CD300LF: variants seen among roughly 807,000 people sequenced by gnomAD.
CD300LF encodes the protein CMRF35-like molecule 1.
Under a neutral mutation model 32.2 loss-of-function variants are expected in CD300LF, and 27 were observed. The observed-to-expected ratio is 0.84, with a 90% confidence interval of 0.62 to 1.15. CD300LF has a LOEUF of 1.15. CD300LF is among the 50% of genes most tolerant of loss of function. The pLI, the probability that CD300LF is intolerant of heterozygous loss-of-function variation, is 0.00. For synonymous variants in CD300LF, 139 were observed against 143.2 expected (o/e 0.97, Z 0.21); for missense variants, 348 against 356.8 (o/e 0.98, Z 0.20).
rs2032251555 is a variant in CD300LF, at chr17:74,694,521, A to G, written c.*575T>C. On this transcript the variant is annotated 3_prime_UTR_variant, in exon 7 of 7. Coordinates refer to ENST00000326165, the MANE Select transcript of CD300LF (RefSeq NM_139018.5). ...TCACGTCACACCCACGTCCACTTCC[A>G]TCATCACTTTGTCTCTACCTCTTTG... is the stretch of plus-strand genomic sequence containing the variant. The G allele has an allele frequency of 1.3e-5, 2 of 152,116 alleles. No individual in the cohort carries two copies. The highest frequency in any genetic ancestry group is 4.8e-5 in the African/African-American group (2 of 41,398). 9.4% of individuals were successfully genotyped at this position (152,116 alleles called of 1,614,324 possible).
Position 74,706,282 on chromosome 17 carries a change from A to AAAT in CD300LF, c.44-1467_44-1466insATT, listed in dbSNP as rs1555586595. On this transcript the variant is annotated intron_variant, in intron 1 of 6. Coordinates refer to ENST00000326165, the MANE Select transcript of CD300LF (RefSeq NM_139018.5). ...AAAAAACATTTTAAAGGAAAAAAAA[A>AAAT]ATATATATATATATATATCCCAAAG... is the stretch of plus-strand genomic sequence containing the variant. Among the ~76,000 whole-genome samples, 137 of 145,158 alleles carry AAAT rather than the reference A, an allele frequency of 9.4e-4. 1 individual carries two copies. Among genetic ancestry groups the AAAT allele is most frequent in the African/African-American group, 3.4e-3 (134 of 39,602 alleles).
intron 1 of CD300LF, among the ~76,000 whole-genome samples, chr17:74,705,987 G>A (rs1231360864): frequency 6.6e-6 from 1 of 152,108 alleles, no homozygotes; most frequent in Non-Finnish European, 1.5e-5. Context: ...GTGAATTAAC[G>A]CAGAAACAGA....
intron 1 of CD300LF, among the ~76,000 whole-genome samples, chr17:74,706,688 A>ACAAAG (rs1035749590): frequency 1.3e-5 from 2 of 152,202 alleles, no homozygotes; most frequent in East Asian, 3.9e-4. Flanking sequence ...ACAAAACAAA[A>ACAAAG]CAAAAACCAG....
chr17:74,703,088 G>C lies in CD300LF; in HGVS notation c.393C>G (p.Thr131=). 6.2e-7 allele frequency: 1 copy of C among 1,614,048 alleles called. No individual in the cohort carries two copies. The stretch of plus-strand genomic sequence containing the variant: ...TTGGGGAGCTGCTAGTTTCTTCTTG[G>C]GTGACTGGTGCTGTAAACGTAGTGG... ...VQVTIDPAPV[T]QEETSSSPTL... Residue 131 remains threonine (T), a synonymous_variant, in exon 3 of 7, where the codon ACC becomes ACG. Coordinates refer to ENST00000326165, the MANE Select transcript of CD300LF (RefSeq NM_139018.5).
chr17:74,709,993 T>G (rs527928889), intron 1 of CD300LF, among the ~76,000 whole-genome samples: 2 of 152,336 alleles, frequency 1.3e-5, no homozygotes, highest in South Asian at 4.1e-4. Flanking sequence ...TTGTTTGTTT[T>G]TTTGAGATGG....
chr17:74,697,191 G>C (rs1414435180), intron 4 of CD300LF, among the ~76,000 whole-genome samples: 1 of 152,066 alleles, frequency 6.6e-6, no homozygotes, highest in East Asian at 1.9e-4. Context: ...TGATCCACCC[G>C]CCTCAACCTC....
chr17:74,706,754 C>T (rs2033554226), intron 1 of CD300LF, among the ~76,000 whole-genome samples: 1 of 152,090 alleles, frequency 6.6e-6, no homozygotes, highest in Non-Finnish European at 1.5e-5. Context: ...TCAGAGAGAC[C>T]CTGGGAAGGG....
At chr17:74,712,383 C>G (rs912392495) in intron 1 of CD300LF, among the ~76,000 whole-genome samples, 2 of 152,148 alleles carry the variant, frequency 1.3e-5, no homozygotes, top group African/African-American at 4.8e-5. Context: ...AACCACCACT[C>G]CCTCTCTGCC....
At position 74,695,036 on chromosome 17, in the gene CD300LF, G is replaced by A. The variant is rs546114695; in HGVS notation, c.*60C>T. On this transcript the variant is annotated 3_prime_UTR_variant, in exon 7 of 7. Transcript: ENST00000326165. ...CTGATGAGGGGAGCAGGGGGCAGAC[G>A]GTCGATGAGGCAGGAGTGTGCTCAC... is the stretch of plus-strand genomic sequence containing the variant. 4.4e-5 allele frequency: 68 copies of A among 1,543,950 alleles called. No individual in the cohort carries two copies. The highest frequency in any genetic ancestry group is 1.8e-4 in the Middle Eastern group (1 of 5,504).
At chr17:74,703,156 C>T (rs762843795) in intron 2 of CD300LF, 58 bp from the exon 3 acceptor site, 5 of 1,607,894 alleles carry the variant, frequency 3.1e-6, no homozygotes, top group Admixed American at 3.3e-5. Flanking sequence ...GTAGTTGATG[C>T]TTGGTGTATA....
intron 5 of CD300LF, 49 bp downstream of exon 5, chr17:74,696,146 G>A (rs954600099): frequency 1.9e-6 from 3 of 1,574,916 alleles, no homozygotes; most frequent in Non-Finnish European, 2.6e-6. Flanking sequence ...ATGAGGAAGG[G>A]GAAAGAAGCT....
intron 3 of CD300LF, among the ~76,000 whole-genome samples, chr17:74,702,284 G>T (rs1051671824): frequency 3.3e-5 from 5 of 152,116 alleles, no homozygotes; most frequent in Admixed American, 6.5e-5. Context: ...GTTGGGCAGG[G>T]CACTAAGAGG....
At chr17:74,702,801 C>T (rs548079927) in intron 3 of CD300LF, among the ~76,000 whole-genome samples, 1 of 152,136 alleles carries the variant, frequency 6.6e-6, no homozygotes, top group Non-Finnish European at 1.5e-5. Flanking sequence ...AAAAGTGGGG[C>T]GAACGAATGA....
intron 1 of CD300LF, among the ~76,000 whole-genome samples, chr17:74,708,094 G>A (rs1476716990): frequency 6.8e-6 from 1 of 147,076 alleles, no homozygotes; most frequent in Non-Finnish European, 1.5e-5. Context: ...GTTTCAGTGA[G>A]CCGAGATCAC....
chr17:74,708,784 C>T (rs972883552), intron 1 of CD300LF, among the ~76,000 whole-genome samples: 18 of 151,776 alleles, frequency 1.2e-4, no homozygotes, highest in East Asian at 1.9e-4. Context: ...GGCGTGGTGG[C>T]GGGCGCCTGT....
At chr17:74,710,214 A>G (rs1230273782) in intron 1 of CD300LF, among the ~76,000 whole-genome samples, 1 of 151,992 alleles carries the variant, frequency 6.6e-6, no homozygotes, top group Non-Finnish European at 1.5e-5. Flanking sequence ...TGACCTTGTG[A>G]TCCGCCTGCC....
At chr17:74,712,361 C>G (rs1039422389) in intron 1 of CD300LF, among the ~76,000 whole-genome samples, 3 of 152,154 alleles carry the variant, frequency 2.0e-5, no homozygotes, top group Non-Finnish European at 4.4e-5. Context: ...TCCTTCTGCC[C>G]CAAATGCCTA....
In CD300LF at chr17:74,704,729, G is replaced by A. The variant is rs751989626; in HGVS notation, c.131C>T (p.Ser44Leu). 8 of 1,614,182 alleles carry A rather than the reference G, an allele frequency of 5.0e-6. No homozygotes were observed. The Admixed American group carries it at 1.3e-4, about 27-fold the overall frequency. ...CCACTTCAAGTAGGTCTCCCAGCCTGATCTGTAAACACACTGCACGGTCAA... is the reference window on the plus strand; with the variant it reads ...CCACTTCAAGTAGGTCTCCCAGCCTAATCTGTAAACACACTGCACGGTCAA... ...GSLTVQCVYR[S>L]GWETYLKWWC... The change falls in exon 2 of 7, where the codon TCA becomes TTA. Residue 44 changes from serine to leucine, a missense_variant. Transcript: ENST00000326165.
chr17:74,711,906 CTTTTTTT>C (rs71361629), intron 1 of CD300LF, among the ~76,000 whole-genome samples: 24 of 123,680 alleles, frequency 1.9e-4, no homozygotes, highest in East Asian at 7.0e-4. Context: ...TTTCTTTTTT[CTTTTTTT>C]TTTTTTTTTG....
Sources: allele counts gnomAD v4.1 joint callset (sites outside exome capture counted in the v4.1 genomes callset), GRCh38; gene constraint gnomAD v4.1.1; transcripts MANE v1.5; gene names NCBI Gene and HGNC (gene_info 2026-07-23, HGNC 2026-07-21).